The following RUNX1T1 variants were observed in gnomAD, a reference collection of about 807,000 sequenced individuals.
RUNX1T1 encodes RUNX1 partner transcriptional co-repressor 1.
Under a neutral mutation model 62.8 loss-of-function variants are expected in RUNX1T1, and 4 were observed. The observed-to-expected ratio is 0.06, with a 90% CI of 0.03 to 0.15. RUNX1T1 has a LOEUF of 0.15. RUNX1T1 is among the 10% of genes least tolerant of loss of function. The probability of loss-of-function intolerance (pLI) is 1.00; values close to 1 mark genes in which losing one functional copy is unlikely to be tolerated. For missense variants in RUNX1T1, 508 were observed against 754.3 expected (o/e 0.67, Z 3.82); for synonymous variants, 291 against 286.0 (o/e 1.02, Z -0.18).
intron 1 of RUNX1T1, among the ~76,000 whole-genome samples, chr8:92,091,486 T>C (rs896448761): frequency 1.3e-5 from 2 of 152,172 alleles, no homozygotes; most frequent in Admixed American, 1.3e-4. Flanking sequence ...CATGATTTCA[T>C]CAAGTATCAA....
chr8:92,055,926 G>A (rs78573938), intron 1 of RUNX1T1, among the ~76,000 whole-genome samples: 1,698 of 152,230 alleles, frequency 0.011, 32 homozygotes, highest in African/African-American at 0.038. Context: ...TAAGTATATA[G>A]GTTCAGATAC....
At chr8:91,967,596 G>A (rs1020518577) in intron 10 of RUNX1T1, among the ~76,000 whole-genome samples, 1 of 152,136 alleles carries the variant, frequency 6.6e-6, no homozygotes, top group Admixed American at 6.5e-5. Flanking sequence ...AAGAGAAAGG[G>A]CAAATTCAGA....
At chr8:92,000,105 A>AGACC (rs1349393073) in intron 5 of RUNX1T1, among the ~76,000 whole-genome samples, 11 of 152,244 alleles carry the variant, frequency 7.2e-5, no homozygotes, top group African/African-American at 2.2e-4. Context: ...CAGGAGTTTG[A>AGACC]GACCGGCCTG....
intron 1 of RUNX1T1, among the ~76,000 whole-genome samples, chr8:92,049,804 T>C (rs1256975008): frequency 6.6e-6 from 1 of 152,168 alleles, no homozygotes; most frequent in Admixed American, 6.6e-5. Context: ...TACAGAAAGT[T>C]TGAGAAGCTA....
exon 2 of RUNX1T1, chr8:92,017,334 C>G (rs752045520): frequency 1.1e-5 from 17 of 1,613,708 alleles, no homozygotes; most frequent in Non-Finnish European, 1.4e-5. Flanking sequence ...ACAGGTGAGT[C>G]TGGCATTGTG....
chr8:92,102,807 GC>G, upstream of RUNX1T1: 1 of 1,486,102 alleles, frequency 6.7e-7, no homozygotes, highest in Non-Finnish European at 8.9e-7. This position sits in a 1 kb window ranked among gnomAD's most constrained non-coding sequence, Gnocchi z 4.5. Context: ...ACAGTCAGGG[GC>G]CCGACCCCGC....
At chr8:92,041,500 G>A (rs1433030759) in intron 1 of RUNX1T1, among the ~76,000 whole-genome samples, 4 of 152,204 alleles carry the variant, frequency 2.6e-5, no homozygotes, top group Non-Finnish European at 5.9e-5. Context: ...CAACAATTTG[G>A]GAGGCTGAGG....
Position 92,092,615 on chromosome 8 carries a change from T to C in RUNX1T1, c.-86+6965A>G, listed in dbSNP as rs116861653. 1.6e-4 allele frequency among the ~76,000 whole-genome samples: 25 copies of C among 152,312 alleles called. No individual in the cohort carries two copies. The East Asian group carries it at 4.1e-3, about 25-fold the overall frequency. On this transcript the variant is annotated intron_variant, in intron 1 of 11. Coordinates refer to the RUNX1T1 transcript ENST00000265814. The stretch of plus-strand genomic sequence containing the variant: ...GGCAGTAAGTTAAAAATTGTAGTAT[T>C]AGAGAATGTAAGGAATAACTATCTG...
intron 1 of RUNX1T1, among the ~76,000 whole-genome samples, chr8:92,049,503 A>G (rs2130345391): frequency 6.6e-6 from 1 of 152,270 alleles, no homozygotes. Context: ...GTTCTGCAGG[A>G]CATCAAAAAA....
intron 2 of RUNX1T1, among the ~76,000 whole-genome samples, chr8:92,071,692 G>A (rs1833697247): frequency 6.6e-6 from 1 of 152,122 alleles, no homozygotes; most frequent in Non-Finnish European, 1.5e-5. Context: ...ATGTCAGAGC[G>A]CCAGGCGGCT....
At chr8:91,997,496 G>A (rs1818931516) in intron 5 of RUNX1T1, among the ~76,000 whole-genome samples, 1 of 152,086 alleles carries the variant, frequency 6.6e-6, no homozygotes, top group Non-Finnish European at 1.5e-5. Context: ...AATAAATTAT[G>A]TGCCTTACAC....
intron 2 of RUNX1T1, among the ~76,000 whole-genome samples, chr8:92,015,410 A>G (rs1822797836): frequency 6.6e-6 from 1 of 152,184 alleles, no homozygotes; most frequent in Non-Finnish European, 1.5e-5. Context: ...TTTATGTACA[A>G]AGCCAAAATG....
chr8:92,043,046 C>T (rs1328468202), intron 1 of RUNX1T1, among the ~76,000 whole-genome samples: 1 of 152,106 alleles, frequency 6.6e-6, no homozygotes, highest in East Asian at 1.9e-4. Context: ...TCAGTCTCTC[C>T]TATTTCTCAT....
chr8:92,070,221 T>C (rs533554362), intron 2 of RUNX1T1, among the ~76,000 whole-genome samples: 1 of 152,298 alleles, frequency 6.6e-6, no homozygotes, highest in African/African-American at 2.4e-5. Flanking sequence ...GTTACTATTG[T>C]TACCTGCATT....
intron 1 of RUNX1T1, among the ~76,000 whole-genome samples, chr8:92,091,279 G>T (rs761098882): frequency 1.3e-5 from 2 of 152,146 alleles, no homozygotes; most frequent in Non-Finnish European, 2.9e-5. Context: ...ATTCCTTCAT[G>T]AATTACTTTA....
At chr8:92,049,625 A>G (rs1303257169) in intron 1 of RUNX1T1, among the ~76,000 whole-genome samples, 2 of 152,174 alleles carry the variant, frequency 1.3e-5, no homozygotes, top group Non-Finnish European at 2.9e-5. Context: ...GCAAAACACA[A>G]AACAATCTAC....
chr8:92,058,714 CCT>C (rs1036511144), intron 1 of RUNX1T1, among the ~76,000 whole-genome samples: 35 of 152,234 alleles, frequency 2.3e-4, no homozygotes, highest in African/African-American at 7.7e-4. Flanking sequence ...TATCTGTTCC[CCT>C]GATGGCTCAG....
Position 92,076,355 on chromosome 8 carries a change from C to A in RUNX1T1, c.-85-218G>T, listed in dbSNP as rs547014546. 1.4e-4 allele frequency among the ~76,000 whole-genome samples: 21 copies of A among 152,202 alleles called. No homozygotes were observed. The East Asian group carries it at 2.3e-3, about 17-fold the overall frequency. ...TCTAAAGGACTCTTAATTTTCCAAT[C>A]ATCTGACTCAAAGCTGGATACATTC... On this transcript the variant is annotated intron_variant, in intron 1 of 11. Coordinates refer to the RUNX1T1 transcript ENST00000265814.
At chr8:92,049,558 C>T (rs941221664) in intron 1 of RUNX1T1, among the ~76,000 whole-genome samples, 1 of 152,188 alleles carries the variant, frequency 6.6e-6, no homozygotes, top group Non-Finnish European at 1.5e-5. Flanking sequence ...GCCTGAATTA[C>T]CCACACTACC....
Sources: allele counts gnomAD v4.1 joint callset (sites outside exome capture counted in the v4.1 genomes callset), GRCh38; gene constraint gnomAD v4.1.1; non-coding constraint Gnocchi (gnomAD v3.1); transcripts MANE v1.5; gene names NCBI Gene and HGNC (gene_info 2026-07-23, HGNC 2026-07-21).